ZNF268: variants seen among roughly 807,000 people sequenced by gnomAD.
ZNF268 encodes the protein zinc finger protein 268, also known as zinc finger protein 3.
In ZNF268, 20 loss-of-function variants were observed where a neutral mutation model predicts 29.3. That is an observed-to-expected ratio of 0.68 (90% CI 0.48 to 0.99). The LOEUF is 0.99. Ranked by LOEUF, ZNF268 falls within the 50% of genes least tolerant of loss-of-function variation. The pLI is 0.00. For synonymous variants in ZNF268, 429 were observed against 376.9 expected, an observed-to-expected ratio of 1.14 and a Z score of -1.60; for missense variants, 1,240 against 1,121.6, an observed-to-expected ratio of 1.11 and a Z score of -1.51.
intron 5 of ZNF268, 59 bp downstream of exon 5, chr12:133,192,062 G>C: frequency 1.5e-6 from 2 of 1,370,786 alleles, no homozygotes; most frequent in Non-Finnish European, 2.0e-6. Context: ...ATTCCAATGT[G>C]ATGTGCTCCT....
chr12:133,191,087 T>C (rs1956458259), intron 3 of ZNF268, among the ~76,000 whole-genome samples: 1 of 152,022 alleles, frequency 6.6e-6, no homozygotes, highest in African/African-American at 2.4e-5. Flanking sequence ...GAGGCCGAGA[T>C]GGGCAGATCA....
chr12:133,211,083 G>T lies in ZNF268; in HGVS notation c.*6553G>T. ...ATGGATAGAGATAATAAAAGGCAAAGTAGATGGCCATAGACAAAAGTCAAG... is the reference window on the plus strand; with the variant it reads ...ATGGATAGAGATAATAAAAGGCAAATTAGATGGCCATAGACAAAAGTCAAG... On this transcript the variant is annotated 3_prime_UTR_variant, in exon 6 of 6. Transcript: ENST00000536435. 1 of 450,184 alleles carries T rather than the reference G, an allele frequency of 2.2e-6. No individual in the cohort carries two copies. Among genetic ancestry groups the T allele is most frequent in the Middle Eastern group, 3.3e-4 (1 of 3,052 alleles). 27.9% of individuals were successfully genotyped at this position (450,184 alleles called of 1,614,324 possible). A position where few individuals can be genotyped will look rare whatever the true frequency, so the allele number is the denominator to read the frequency against.
rs1301697107 is a variant in ZNF268, at chr12:133,208,183, C to T, written c.*3653C>T. On this transcript the variant is annotated 3_prime_UTR_variant, in exon 6 of 6. Coordinates refer to ENST00000536435, the MANE Select transcript of ZNF268 (RefSeq NM_003415.3). ...CCAATATAGGGAGACCCTGTCTGTA[C>T]AAAAACTTTTTAAAAAGATTAGCCA... 6.6e-6 allele frequency: 1 copy of T among 151,454 alleles called. No individual in the cohort carries two copies. Among genetic ancestry groups the T allele is most frequent in the African/African-American group, 2.4e-5 (1 of 41,236 alleles). The allele number at this position is 151,454 out of a possible 1,614,324, so 9.4% of individuals were successfully genotyped here.
chr12:133,199,960 G>A (rs1036229148), intron 5 of ZNF268, among the ~76,000 whole-genome samples: 2 of 151,876 alleles, frequency 1.3e-5, no homozygotes, highest in Non-Finnish European at 2.9e-5. Flanking sequence ...CAATTTTGTT[G>A]ATCCTTTCAA....
Position 133,213,486 on chromosome 12 carries a change from C to T in ZNF268, c.*8956C>T, listed in dbSNP as rs951254300. 4.8e-5 allele frequency: 7 copies of T among 145,826 alleles called. No homozygotes were observed. Among genetic ancestry groups the T allele is most frequent in the Non-Finnish European group, 9.0e-5 (6 of 66,756 alleles). 9.0% of individuals were successfully genotyped at this position (145,826 alleles called of 1,614,324 possible). ...ATCACTTGAGGTCAGGAGTGCGAGACCAGCCTGGTTAACTTGGTGAAACCA... is the reference window on the plus strand; with the variant it reads ...ATCACTTGAGGTCAGGAGTGCGAGATCAGCCTGGTTAACTTGGTGAAACCA... On this transcript the variant is annotated 3_prime_UTR_variant, in exon 6 of 6. Coordinates refer to ENST00000536435, the MANE Select transcript of ZNF268 (RefSeq NM_003415.3).
At position 133,205,308 on chromosome 12, in the gene ZNF268, TACAG is replaced by T. The variant is rs1956878972; in HGVS notation, c.*780_*783del. The T allele has an allele frequency of 2.0e-5, 3 of 152,042 alleles. No homozygotes were observed. The highest frequency in any genetic ancestry group is 4.4e-5 in the Non-Finnish European group (3 of 67,976). 9.4% of individuals were successfully genotyped at this position (152,042 alleles called of 1,614,324 possible). A position where few individuals can be genotyped will look rare whatever the true frequency, so the allele number is the denominator to read the frequency against. ...AAATTCTCAATTATAAATAATAAGA[TACAG>T]ATTATTTCATTGTACAAGTGAATCT... On this transcript the variant is annotated 3_prime_UTR_variant, in exon 6 of 6. Transcript: ENST00000536435.
intron 3 of ZNF268, among the ~76,000 whole-genome samples, chr12:133,190,094 C>A (rs933897792): frequency 6.6e-6 from 1 of 152,230 alleles, no homozygotes; most frequent in African/African-American, 2.4e-5. Flanking sequence ...AGGCGTGAGC[C>A]ATGGCGCCTG....
At chr12:133,200,996 A>G (rs1956740153) in intron 5 of ZNF268, among the ~76,000 whole-genome samples, 1 of 151,974 alleles carries the variant, frequency 6.6e-6, no homozygotes, top group African/African-American at 2.4e-5. Context: ...CAGTTATTTC[A>G]TATTTTTGGT....
chr12:133,207,843 T>C lies in ZNF268; in HGVS notation c.*3313T>C, dbSNP rs1956926935. 1 of 152,078 alleles carries C rather than the reference T, an allele frequency of 6.6e-6. No individual in the cohort carries two copies. The highest frequency in any genetic ancestry group is 2.1e-4 in the South Asian group (1 of 4,830). The allele number at this position is 152,078 out of a possible 1,614,324, so 9.4% of individuals were successfully genotyped here. A position where few individuals can be genotyped will look rare whatever the true frequency, so the allele number is the denominator to read the frequency against. On this transcript the variant is annotated 3_prime_UTR_variant, in exon 6 of 6. Transcript: ENST00000536435. Reference sequence around the variant, plus strand: ...AGAGTATGTTTGGAAGATTTAATATTAGAAAATATTTTAATTAACTACCAG... The same window carrying C: ...AGAGTATGTTTGGAAGATTTAATATCAGAAAATATTTTAATTAACTACCAG...
In ZNF268 at chr12:133,203,482, T is replaced by G. The variant is rs761969624; in HGVS notation, c.1796T>G (p.Leu599Arg). 1 of 1,542,804 alleles carries G rather than the reference T, an allele frequency of 6.5e-7. No individual in the cohort carries two copies. The highest frequency in any genetic ancestry group is 1.2e-5 in the South Asian group (1 of 84,326). ...AAGGCTTTTGGTTTAAAGTCACAGC[T>G]TATTATACACCAGAGAACTCATACA... ...CGKAFGLKSQ[L>R]IIHQRTHTGE... Residue 599 changes from leucine to arginine, a missense_variant, in exon 6 of 6, where the codon CTT (leucine) becomes CGT (arginine). By Grantham distance (102) the Leu-to-Arg change is moderately radical. This residue lies in a region of ZNF268 where 1,177 missense variants were observed against 1,039.6 expected (regional missense o/e 1.13). Coordinates refer to ENST00000536435, the MANE Select transcript of ZNF268 (RefSeq NM_003415.3).
chr12:133,191,805 G>C, intron 4 of ZNF268, 103 bp from the exon 5 acceptor site: 1 of 1,485,584 alleles, frequency 6.7e-7, no homozygotes, highest in South Asian at 1.1e-5. Flanking sequence ...TTGCAAAAAG[G>C]CAGCTTCATC....
intron 5 of ZNF268, among the ~76,000 whole-genome samples, chr12:133,197,545 A>ATAT (rs1295232781): frequency 6.6e-6 from 1 of 152,126 alleles, no homozygotes; most frequent in Admixed American, 6.5e-5. Context: ...TCCTTTGGGT[A>ATAT]TATACCCAGT....
rs768489027 is a variant in ZNF268 at position 133,208,171 on chromosome 12, A to C, written c.*3641A>C. 29 of 152,118 alleles carry C rather than the reference A, an allele frequency of 1.9e-4. No individual in the cohort carries two copies. Among genetic ancestry groups the C allele is most frequent in the African/African-American group, 6.7e-4 (28 of 41,512 alleles). 9.4% of individuals were successfully genotyped at this position (152,118 alleles called of 1,614,324 possible). ...AGACAAGCCTGACCAATATAGGGAG[A>C]CCCTGTCTGTACAAAAACTTTTTAA... On this transcript the variant is annotated 3_prime_UTR_variant, in exon 6 of 6. Transcript: ENST00000536435.
Position 133,202,212 on chromosome 12 carries a change from G to C in ZNF268, c.526G>C (p.Ala176Pro), listed in dbSNP as rs80217340. The C allele has an allele frequency of 0.01, 16,168 of 1,608,706 alleles. 1,354 individuals carry two copies. The African/African-American group carries it at 0.19, about 19-fold the overall frequency. ...AAATAAAGACAAGCTGGGAAGTACGGCAAAAAGCTTTGAATGCACTACATT... is the reference window on the plus strand; with the variant it reads ...AAATAAAGACAAGCTGGGAAGTACGCCAAAAAGCTTTGAATGCACTACATT... Reference protein sequence around the residue: ...QENKDKLGSTAKSFECTTFGK... With the variant: ...QENKDKLGSTPKSFECTTFGK... Residue 176 changes from alanine to proline, a missense_variant, in exon 6 of 6, where the codon GCA becomes CCA. By Grantham distance (27) the Ala-to-Pro change is conservative (BLOSUM62 -1). Transcript: ENST00000536435.
chr12:133,192,167 G>A (rs1316602835), intron 5 of ZNF268, among the ~76,000 whole-genome samples, 164 bp downstream of exon 5: 2 of 151,158 alleles, frequency 1.3e-5, no homozygotes, highest in Admixed American at 1.3e-4. Context: ...GGGTGCAGTG[G>A]CGTGATCTCG....
chr12:133,200,281 A>G (rs1252825147), intron 5 of ZNF268, among the ~76,000 whole-genome samples: 1 of 152,100 alleles, frequency 6.6e-6, no homozygotes, highest in Non-Finnish European at 1.5e-5. Context: ...TCATTTCGTT[A>G]TGTACCCCAT....
Position 133,205,846 on chromosome 12 carries a change from G to T in ZNF268, c.*1316G>T, listed in dbSNP as rs1956889603. On this transcript the variant is annotated 3_prime_UTR_variant, in exon 6 of 6. Coordinates refer to ENST00000536435, the MANE Select transcript of ZNF268 (RefSeq NM_003415.3). ...CCACCATTCAAGATGCCCTGCTCAGGACTTGGCATGAGCACTATGGTCAGC... is the reference window on the plus strand; with the variant it reads ...CCACCATTCAAGATGCCCTGCTCAGTACTTGGCATGAGCACTATGGTCAGC... 6.6e-6 allele frequency: 1 copy of T among 152,158 alleles called. No homozygotes were observed. The highest frequency in any genetic ancestry group is 1.5e-5 in the Non-Finnish European group (1 of 68,038). 9.4% of individuals were successfully genotyped at this position (152,158 alleles called of 1,614,324 possible). A position where few individuals can be genotyped will look rare whatever the true frequency, so the allele number is the denominator to read the frequency against.
chr12:133,193,258 A>C (rs1956517225), intron 5 of ZNF268, among the ~76,000 whole-genome samples: 1 of 152,128 alleles, frequency 6.6e-6, no homozygotes, highest in Admixed American at 6.5e-5. Context: ...GCTTGAGCCC[A>C]TGAATTTGAT....
chr12:133,204,069 C>T lies in ZNF268; in HGVS notation c.2383C>T (p.Leu795=). The change falls in exon 6 of 6, where the codon CTA becomes TTA. Residue 795 remains leucine, a synonymous_variant. Coordinates refer to ENST00000536435, the MANE Select transcript of ZNF268 (RefSeq NM_003415.3). The part of the protein sequence containing the change: ...CGKAFSSKSY[L]IIHMRTHSGE... ...GAAAGCTTTTAGCAGCAAGTCATAC[C>T]TAATTATACACATGAGAACTCATTC... 2 of 1,557,556 alleles carry T rather than the reference C, an allele frequency of 1.3e-6. No individual in the cohort carries two copies. The highest frequency in any genetic ancestry group is 1.7e-6 in the Non-Finnish European group (2 of 1,154,146).
Sources: allele counts gnomAD v4.1 joint callset (sites outside exome capture counted in the v4.1 genomes callset), GRCh38; gene constraint gnomAD v4.1.1; regional missense constraint gnomAD v4.1.1; transcripts MANE v1.5; gene names NCBI Gene and HGNC (gene_info 2026-07-23, HGNC 2026-07-21).